KLRF1: variants seen among roughly 807,000 people sequenced by gnomAD.
KLRF1 encodes the protein killer cell lectin-like receptor subfamily F member 1.
In KLRF1, 27 loss-of-function variants were observed where a neutral mutation model predicts 30.7. That is an observed-to-expected ratio of 0.88 (90% CI 0.65 to 1.21). The LOEUF (loss-of-function observed/expected upper bound fraction) is 1.21. KLRF1 is among the 50% of genes most tolerant of loss of function. The pLI, the probability that KLRF1 is intolerant of heterozygous loss-of-function variation, is 0.00. For missense variants in KLRF1, 246 were observed against 259.3 expected, an observed-to-expected ratio of 0.95 and a Z score of 0.35; for synonymous variants, 92 against 89.3, an observed-to-expected ratio of 1.03 and a Z score of -0.17.
rs116064472 is a variant in KLRF1 at position 9,828,411 on chromosome 12, A to C, written c.85+782A>C. Among the ~76,000 whole-genome samples, 470 of 151,320 alleles carry C rather than the reference A, an allele frequency of 3.1e-3. 3 individuals carry two copies. Among genetic ancestry groups the C allele is most frequent in the African/African-American group, 0.01 (425 of 40,680 alleles). Reference sequence around the variant, plus strand: ...TACTAATTTTTAATTCAACTTCTCAAAAACTTTATGCTTTTCACCAAGTTG... The same window carrying C: ...TACTAATTTTTAATTCAACTTCTCACAAACTTTATGCTTTTCACCAAGTTG... On this transcript the variant is annotated intron_variant, in intron 1 of 5. Transcript: ENST00000617889.
At chr12:9,815,007 A>C in the KLRF1 span, among the ~76,000 whole-genome samples, 3 of 152,238 alleles carry the variant, frequency 2.0e-5, no homozygotes, top group Admixed American at 2.0e-4. Flanking sequence ...CCCAACACAA[A>C]GAAATAATAA....
intron 5 of KLRF1, among the ~76,000 whole-genome samples, chr12:9,842,812 C>G (rs1382424237): frequency 1.3e-5 from 2 of 151,920 alleles, no homozygotes; most frequent in African/African-American, 4.8e-5. Context: ...CAACATAGAA[C>G]AAGATTATCC....
intron 3 of KLRF1, among the ~76,000 whole-genome samples, chr12:9,835,755 C>T (rs1320946874): frequency 6.6e-6 from 1 of 151,766 alleles, no homozygotes; most frequent in Admixed American, 6.6e-5. Flanking sequence ...GGGTCTTTGC[C>T]GAGAGATACA....
At chr12:9,844,060 G>A (rs753673218) in intron 5 of KLRF1, among the ~76,000 whole-genome samples, 2 of 152,046 alleles carry the variant, frequency 1.3e-5, no homozygotes, top group African/African-American at 4.8e-5. Context: ...TATTATTATC[G>A]TTCTTATACA....
At chr12:9,811,579 A>C in the KLRF1 span, among the ~76,000 whole-genome samples, 1 of 152,192 alleles carries the variant, frequency 6.6e-6, no homozygotes, top group Non-Finnish European at 1.5e-5. Flanking sequence ...GAAAAGTGTT[A>C]AATTAGATAA....
chr12:9,805,724 A>G, the KLRF1 span, among the ~76,000 whole-genome samples: 1 of 151,960 alleles, frequency 6.6e-6, no homozygotes, highest in South Asian at 2.1e-4. Flanking sequence ...TGGTTTTTCT[A>G]TTTCTTTGAG....
At chr12:9,825,639 A>G (rs1867271930), upstream of KLRF1, among the ~76,000 whole-genome samples, 1 of 152,160 alleles carries the variant, frequency 6.6e-6, no homozygotes, top group Admixed American at 6.5e-5. Context: ...AAGCAATTGC[A>G]ACAAAAGTGA....
chr12:9,844,223 C>T (rs1033549512), intron 5 of KLRF1, among the ~76,000 whole-genome samples, 195 bp from the exon 6 acceptor site: 1 of 152,080 alleles, frequency 6.6e-6, no homozygotes, highest in African/African-American at 2.4e-5. Context: ...TAGTTGCAGA[C>T]TCTCTGGCAA....
the KLRF1 span, among the ~76,000 whole-genome samples, chr12:9,818,819 G>A: frequency 3.3e-5 from 5 of 152,310 alleles, no homozygotes; most frequent in Admixed American, 3.3e-4. Flanking sequence ...TTGAGCAAGT[G>A]CAGGTAGCCA....
chr12:9,824,858 T>C (rs1387060437), upstream of KLRF1, among the ~76,000 whole-genome samples: 2 of 152,084 alleles, frequency 1.3e-5, no homozygotes, highest in African/African-American at 4.8e-5. Context: ...AGGAATGCAA[T>C]TCCATTTATG....
chr12:9,810,640 C>G, the KLRF1 span, among the ~76,000 whole-genome samples: 5 of 152,142 alleles, frequency 3.3e-5, no homozygotes, highest in African/African-American at 9.7e-5. Context: ...GCACAAATGT[C>G]AAGAACAATT....
chr12:9,809,476 G>A, the KLRF1 span, among the ~76,000 whole-genome samples: 5,182 of 152,152 alleles, frequency 0.034, 272 homozygotes, highest in African/African-American at 0.11. Context: ...AGTTGAAACC[G>A]TAACTTAAGT....
At chr12:9,827,657 TTGG>T (rs1346913910) in intron 1 of KLRF1, 28 bp downstream of exon 1, 1 of 1,277,974 alleles carries the variant, frequency 7.8e-7, no homozygotes, top group Admixed American at 1.7e-5. Flanking sequence ...ATTTTTTCAA[TTGG>T]TGTGAATTAA....
At chr12:9,811,224 G>T in the KLRF1 span, among the ~76,000 whole-genome samples, 1 of 137,938 alleles carries the variant, frequency 7.2e-6, no homozygotes, top group Non-Finnish European at 1.5e-5. Context: ...GAGGTACAGT[G>T]ATTTGCAAGC....
the KLRF1 span, among the ~76,000 whole-genome samples, chr12:9,820,801 G>A: frequency 2.0e-5 from 3 of 152,158 alleles, no homozygotes; most frequent in Non-Finnish European, 2.9e-5. Flanking sequence ...CCTAATGGCC[G>A]TTGGGCTGGG....
chr12:9,843,032 T>C (rs1027957010), intron 5 of KLRF1, among the ~76,000 whole-genome samples: 10 of 152,196 alleles, frequency 6.6e-5, no homozygotes, highest in South Asian at 2.1e-4. Flanking sequence ...TGTTATTTTA[T>C]ATGGCAAAAG....
At chr12:9,817,923 C>G in the KLRF1 span, 1 of 202,340 alleles carries the variant, frequency 4.9e-6, no homozygotes, top group Admixed American at 5.5e-5. Context: ...CAGACAGCAG[C>G]CTCATCCAGC....
intron 3 of KLRF1, among the ~76,000 whole-genome samples, chr12:9,834,628 A>C (rs1304633552): frequency 6.6e-6 from 1 of 152,118 alleles, no homozygotes; most frequent in Non-Finnish European, 1.5e-5. Flanking sequence ...TTGAGAAACT[A>C]AACGGCAGAT....
the KLRF1 span, among the ~76,000 whole-genome samples, chr12:9,809,644 A>G: frequency 6.6e-6 from 1 of 152,274 alleles, no homozygotes; most frequent in Non-Finnish European, 1.5e-5. Context: ...TGAAAGAAGC[A>G]TCCATATACC....
Sources: allele counts gnomAD v4.1 joint callset (sites outside exome capture counted in the v4.1 genomes callset), GRCh38; gene constraint gnomAD v4.1.1; transcripts MANE v1.5; gene names NCBI Gene and HGNC (gene_info 2026-07-23, HGNC 2026-07-21).